Variants in SIPA1L1 observed in about 807,000 individuals in gnomAD.
The protein encoded by SIPA1L1 is signal-induced proliferation-associated 1-like protein 1.
A neutral mutation model predicts 162.7 loss-of-function variants in SIPA1L1; 26 were observed. That is an observed-to-expected ratio of 0.16 (90% CI 0.12 to 0.22). SIPA1L1 has a LOEUF of 0.22. Among genes scored for constraint, SIPA1L1 ranks in the 10% least tolerant of loss-of-function variants. The pLI, the probability that SIPA1L1 is intolerant of heterozygous loss-of-function variation, is 1.00. For synonymous variants in SIPA1L1, 829 were observed against 837.4 expected (o/e 0.99, Z 0.17); for missense variants, 1,874 against 2,241.0 (o/e 0.84, Z 3.31).
At chr14:71,535,912 T>C (rs2053854820) in intron 4 of SIPA1L1, among the ~76,000 whole-genome samples, 1 of 152,142 alleles carries the variant, frequency 6.6e-6, no homozygotes, top group Non-Finnish European at 1.5e-5. Context: ...ACCTGGTCCC[T>C]TCTAGATTTT....
At chr14:71,614,605 A>G (rs1032000481) in intron 5 of SIPA1L1, among the ~76,000 whole-genome samples, 7 of 152,212 alleles carry the variant, frequency 4.6e-5, no homozygotes, top group African/African-American at 1.7e-4. Context: ...TTTTAATGAA[A>G]AAACTTGACA....
intron 5 of SIPA1L1, among the ~76,000 whole-genome samples, chr14:71,603,280 A>C (rs1172835413): frequency 1.3e-5 from 2 of 152,002 alleles, no homozygotes; most frequent in Non-Finnish European, 2.9e-5. Flanking sequence ...TGGATCATAT[A>C]TATATTTTTT....
chr14:71,551,338 A>G (rs566849802), intron 4 of SIPA1L1, among the ~76,000 whole-genome samples: 106 of 152,298 alleles, frequency 7.0e-4, no homozygotes, highest in Non-Finnish European at 1.1e-3. Context: ...TCTTCTTCCC[A>G]GGCAAACCAG....
intron 5 of SIPA1L1, among the ~76,000 whole-genome samples, chr14:71,590,034 A>ATAT (rs2035104261): frequency 3.0e-4 from 22 of 72,676 alleles, no homozygotes; most frequent in South Asian, 5.2e-4. Flanking sequence ...AAAAAAAAAA[A>ATAT]AAAAAAAAAA....
chr14:71,445,167 A>G (rs1391146766), intron 2 of SIPA1L1, among the ~76,000 whole-genome samples: 1 of 152,240 alleles, frequency 6.6e-6, no homozygotes, highest in Non-Finnish European at 1.5e-5. Context: ...TGGCGTAAGA[A>G]AAAATCCATT....
At chr14:71,637,126 G>A (rs1334779856) in intron 7 of SIPA1L1, among the ~76,000 whole-genome samples, 1 of 143,710 alleles carries the variant, frequency 7.0e-6, no homozygotes, top group Non-Finnish European at 1.5e-5. Flanking sequence ...CCCAGATCCT[G>A]TGTGTGCACG....
intron 2 of SIPA1L1, among the ~76,000 whole-genome samples, chr14:71,482,572 C>T (rs113757918): frequency 4.2e-4 from 64 of 152,268 alleles, no homozygotes; most frequent in South Asian, 6.2e-4. Context: ...TGTGTGGAAA[C>T]GCGCCTCATT....
chr14:71,555,881 T>A (rs2056310105), intron 4 of SIPA1L1, among the ~76,000 whole-genome samples: 1 of 152,208 alleles, frequency 6.6e-6, no homozygotes, highest in Admixed American at 6.5e-5. Flanking sequence ...GTTGATTGAT[T>A]GCCGTCTTCT....
intron 4 of SIPA1L1, among the ~76,000 whole-genome samples, chr14:71,536,783 G>A (rs1387571248): frequency 2.6e-5 from 4 of 152,144 alleles, no homozygotes; most frequent in African/African-American, 9.7e-5. Context: ...TTATAATGTT[G>A]TATTGTTGGA....
intron 7 of SIPA1L1, among the ~76,000 whole-genome samples, chr14:71,631,030 A>AGCCCCCCG: frequency 6.6e-6 from 1 of 151,958 alleles, no homozygotes; most frequent in Non-Finnish European, 1.5e-5. Flanking sequence ...CCAGCCCCCC[A>AGCCCCCCG]GCCCCTGACA....
At chr14:71,603,839 T>TGGGAGG (rs1010414993) in intron 5 of SIPA1L1, among the ~76,000 whole-genome samples, 1 of 150,694 alleles carries the variant, frequency 6.6e-6, no homozygotes, top group Non-Finnish European at 1.5e-5. Flanking sequence ...CACTTGAACC[T>TGGGAGG]GGGAGGTGGA....
At chr14:71,456,275 A>G (rs967875896) in intron 2 of SIPA1L1, among the ~76,000 whole-genome samples, 2 of 152,254 alleles carry the variant, frequency 1.3e-5, no homozygotes, top group Non-Finnish European at 2.9e-5. Flanking sequence ...GAGAGAACAG[A>G]CACGCATTAA....
At position 71,377,790 on chromosome 14, in the gene SIPA1L1, C is replaced by T. The variant is rs2039543831; in HGVS notation, c.-465+56609C>T. On this transcript the variant is annotated intron_variant, in intron 2 of 23. Transcript: ENST00000381232. The surrounding 1 kb of genome is among the most constrained non-coding windows in gnomAD (Gnocchi z 4.8). ...AGGAGCTGGAGACCAGTCCGGCCAA[C>T]ACGGCGAAACCCCGTCTCCACCAAA... 6.6e-6 allele frequency among the ~76,000 whole-genome samples: 1 copy of T among 152,240 alleles called. No individual in the cohort carries two copies.
chr14:71,449,213 G>T (rs1042186010), intron 2 of SIPA1L1, among the ~76,000 whole-genome samples: 1 of 152,178 alleles, frequency 6.6e-6, no homozygotes, highest in African/African-American at 2.4e-5. Flanking sequence ...GTTTGCCAAG[G>T]CCCTGTTGTA....
chr14:71,585,587 A>C (rs1462165733), intron 4 of SIPA1L1, among the ~76,000 whole-genome samples: 1 of 152,210 alleles, frequency 6.6e-6, no homozygotes, highest in Non-Finnish European at 1.5e-5. Context: ...CCTGGGAAAG[A>C]CAGCTGTGCA....
chr14:71,385,482 C>A (rs954786197), intron 2 of SIPA1L1, among the ~76,000 whole-genome samples: 1 of 152,094 alleles, frequency 6.6e-6, no homozygotes, highest in African/African-American at 2.4e-5. Flanking sequence ...CCTAATAAAA[C>A]CTCTATTGAA....
At chr14:71,633,277 C>G (rs1388220296) in intron 7 of SIPA1L1, among the ~76,000 whole-genome samples, 2 of 152,280 alleles carry the variant, frequency 1.3e-5, no homozygotes, top group South Asian at 4.1e-4. Context: ...TCTCTTGCCT[C>G]AGCCTCCTGA....
chr14:71,385,686 C>CTTT (rs532140419), intron 2 of SIPA1L1, among the ~76,000 whole-genome samples: 5 of 112,410 alleles, frequency 4.4e-5, no homozygotes, highest in Admixed American at 9.7e-5. Flanking sequence ...TTTGTACATT[C>CTTT]TTTTTTTTTT....
At chr14:71,669,984 T>G (rs1001387908) in intron 10 of SIPA1L1, among the ~76,000 whole-genome samples, 9 of 152,168 alleles carry the variant, frequency 5.9e-5, no homozygotes, top group African/African-American at 2.2e-4. Context: ...GCTCTTCAAT[T>G]TTATTTGAAA....
Sources: gnomAD v4.1 joint callset for allele counts (sites outside exome capture counted in the v4.1 genomes callset) on GRCh38, gnomAD v4.1.1 for gene constraint, Gnocchi (gnomAD v3.1) non-coding constraint, MANE v1.5 for transcripts, NCBI Gene and HGNC (gene_info 2026-07-23, HGNC 2026-07-21) for gene names.